The following PARVA variants were observed in gnomAD, a reference collection of about 807,000 sequenced individuals.
PARVA encodes parvin alpha.
A neutral mutation model predicts 52.6 loss-of-function variants in PARVA; 25 were observed. That is an observed-to-expected ratio of 0.48 (90% CI 0.35 to 0.66). The LOEUF (loss-of-function observed/expected upper bound fraction) is 0.66, where lower values mean the gene tolerates loss of function less well. Ranked by LOEUF, PARVA falls within the 30% of genes least tolerant of loss-of-function variation. The pLI, the probability that PARVA is intolerant of heterozygous loss-of-function variation, is 0.01. For missense variants in PARVA, 373 were observed against 450.9 expected, an observed-to-expected ratio of 0.83 and a Z score of 1.56; for synonymous variants, 185 against 179.1, an observed-to-expected ratio of 1.03 and a Z score of -0.26.
intron 1 of PARVA, among the ~76,000 whole-genome samples, chr11:12,395,744 C>T (rs954138554): frequency 6.6e-6 from 1 of 152,226 alleles, no homozygotes; most frequent in Non-Finnish European, 1.5e-5. Flanking sequence ...CCCAATTCTC[C>T]ACCTAAAATC....
At chr11:12,517,072 T>A (rs1941576681) in intron 10 of PARVA, among the ~76,000 whole-genome samples, 1 of 152,022 alleles carries the variant, frequency 6.6e-6, no homozygotes, top group African/African-American at 2.4e-5. Context: ...ACCTTGGACA[T>A]CACCTCCCCC....
intron 12 of PARVA, among the ~76,000 whole-genome samples, chr11:12,527,582 A>T (rs1026251510): frequency 4.6e-5 from 7 of 152,010 alleles, no homozygotes; most frequent in Admixed American, 4.6e-4. Flanking sequence ...TGGTTCTATG[A>T]TGGAGGTTGG....
intron 1 of PARVA, among the ~76,000 whole-genome samples, chr11:12,395,432 G>A (rs185261536): frequency 4.6e-5 from 7 of 152,130 alleles, no homozygotes; most frequent in Non-Finnish European, 1.0e-4. Context: ...GGAGGTAGTG[G>A]TCAGTGCCGG....
chr11:12,378,475 C>T (rs1439473079), intron 1 of PARVA, among the ~76,000 whole-genome samples: 1 of 152,008 alleles, frequency 6.6e-6, no homozygotes, highest in Non-Finnish European at 1.5e-5. Context: ...CTGCGTGAGA[C>T]ACAAACTTCG....
chr11:12,506,585 T>C (rs1255651114), intron 6 of PARVA, among the ~76,000 whole-genome samples: 1 of 152,236 alleles, frequency 6.6e-6, no homozygotes, highest in Non-Finnish European at 1.5e-5. Flanking sequence ...TCTCCTGCCT[T>C]ATTTTGAGCT....
chr11:12,417,293 TTAAA>T (rs1230285572), intron 1 of PARVA, among the ~76,000 whole-genome samples: 1 of 152,218 alleles, frequency 6.6e-6, no homozygotes, highest in Non-Finnish European at 1.5e-5. Context: ...AAAAGATTGG[TTAAA>T]TAAATTATGG....
intron 12 of PARVA, among the ~76,000 whole-genome samples, chr11:12,526,111 G>A (rs1313340913): frequency 1.3e-5 from 2 of 152,110 alleles, no homozygotes; most frequent in Non-Finnish European, 2.9e-5. Context: ...ATACATGTTA[G>A]GTACAATGTG....
chr11:12,514,766 A>G (rs191675229), intron 10 of PARVA, among the ~76,000 whole-genome samples: 1 of 152,344 alleles, frequency 6.6e-6, no homozygotes, highest in Non-Finnish European at 1.5e-5. Context: ...GACTATAGGC[A>G]TGAGCCACCG....
At chr11:12,410,532 T>C (rs1173258149) in intron 1 of PARVA, among the ~76,000 whole-genome samples, 1 of 152,256 alleles carries the variant, frequency 6.6e-6, no homozygotes, top group Non-Finnish European at 1.5e-5. Context: ...AGGATTGCTA[T>C]ACGAGGGCTT....
At chr11:12,497,349 CTG>C (rs1340388750) in intron 5 of PARVA, among the ~76,000 whole-genome samples, 1 of 152,134 alleles carries the variant, frequency 6.6e-6, no homozygotes, top group Non-Finnish European at 1.5e-5. Context: ...TTAGATTAGA[CTG>C]TGTTTTGCCT....
chr11:12,528,005 C>G lies in PARVA; in HGVS notation c.*80C>G, dbSNP rs554735808. ...CCCTCCTCCGAACTGCCTTACCCTG[C>G]TTATTCCTGTCTCTTGCACTGTGCT... is the stretch of plus-strand genomic sequence containing the variant. On this transcript the variant is annotated 3_prime_UTR_variant, in exon 13 of 13. Transcript: ENST00000334956. The G allele has an allele frequency of 1.6e-4, 156 of 963,856 alleles. No individual in the cohort carries two copies. The highest frequency in any genetic ancestry group is 2.5e-4 in the Non-Finnish European group (145 of 589,140). 59.7% of individuals were successfully genotyped at this position (963,856 alleles called of 1,614,324 possible). A position where few individuals can be genotyped will look rare whatever the true frequency, so the allele number is the denominator to read the frequency against.
intron 1 of PARVA, among the ~76,000 whole-genome samples, chr11:12,386,828 TA>T (rs1290731249): frequency 1.3e-5 from 2 of 152,248 alleles, no homozygotes; most frequent in Non-Finnish European, 2.9e-5. Flanking sequence ...AATTCAGTTT[TA>T]TTGTCTGTGT....
chr11:12,464,260 T>G (rs1940825062), intron 1 of PARVA, among the ~76,000 whole-genome samples: 1 of 152,176 alleles, frequency 6.6e-6, no homozygotes, highest in Non-Finnish European at 1.5e-5. Flanking sequence ...ACCATCTGTA[T>G]CTATATTAAG....
chr11:12,420,419 A>G (rs1191349817), intron 1 of PARVA, among the ~76,000 whole-genome samples: 1 of 152,210 alleles, frequency 6.6e-6, no homozygotes, highest in African/African-American at 2.4e-5. Flanking sequence ...TCTGTTTGGA[A>G]GTGTAAACAG....
chr11:12,459,471 C>T (rs187150061), intron 1 of PARVA, among the ~76,000 whole-genome samples: 267 of 152,118 alleles, frequency 1.8e-3, no homozygotes, highest in Middle Eastern at 6.8e-3. Flanking sequence ...CCCTAACTCT[C>T]ATATAGAACT....
intron 1 of PARVA, among the ~76,000 whole-genome samples, chr11:12,461,672 C>T (rs1340243320): frequency 6.6e-6 from 1 of 152,196 alleles, no homozygotes; most frequent in Non-Finnish European, 1.5e-5. Context: ...AATTGGAGGA[C>T]AGCCGCATCA....
Position 12,473,771 on chromosome 11 carries a change from A to C in PARVA, c.163A>C (p.Asn55His), listed in dbSNP as rs762576100. 6.4e-7 allele frequency: 1 copy of C among 1,568,370 alleles called. No homozygotes were observed. The highest frequency in any genetic ancestry group is 8.7e-7 in the Non-Finnish European group (1 of 1,155,694). The change falls in exon 2 of 13, where the codon AAC (asparagine) becomes CAC (histidine). Residue 55 changes from asparagine to histidine, a missense_variant. By Grantham distance (68) the Asn-to-His change is moderately conservative. Transcript: ENST00000334956. ...GTCCGAGCTGCAGGAGGAGGGAATGAACGCCATCAACCTGCCCCTCAGCCC... is the reference window on the plus strand; with the variant it reads ...GTCCGAGCTGCAGGAGGAGGGAATGCACGCCATCAACCTGCCCCTCAGCCC... ...EVSELQEEGM[N>H]AINLPLSPIP...
intron 1 of PARVA, among the ~76,000 whole-genome samples, chr11:12,386,658 C>G (rs1239673902): frequency 6.6e-6 from 1 of 152,188 alleles, no homozygotes; most frequent in Non-Finnish European, 1.5e-5. Context: ...ATGAAAATAG[C>G]CCACCATTAA....
chr11:12,423,010 T>C (rs1240128965), intron 1 of PARVA, among the ~76,000 whole-genome samples: 2 of 152,070 alleles, frequency 1.3e-5, no homozygotes, highest in Non-Finnish European at 1.5e-5. Flanking sequence ...CCTGCCACCA[T>C]GCCCAACTAA....
Sources: gnomAD v4.1 joint callset for allele counts (sites outside exome capture counted in the v4.1 genomes callset) on GRCh38, gnomAD v4.1.1 for gene constraint, MANE v1.5 for transcripts, NCBI Gene and HGNC (gene_info 2026-07-23, HGNC 2026-07-21) for gene names.